BTD: variants seen among roughly 807,000 people sequenced by gnomAD.
BTD encodes the protein biotinidase.
In BTD, 13 loss-of-function variants were observed where a neutral mutation model predicts 17.7. The ratio of observed to expected loss-of-function variants is 0.74; its 90% confidence interval spans 0.48 to 1.17. The LOEUF (loss-of-function observed/expected upper bound fraction) is 1.17, where lower values mean the gene tolerates loss of function less well. Ranked by LOEUF, BTD falls within the 50% of genes most tolerant of loss-of-function variation. The probability of loss-of-function intolerance (pLI) is 0.00; values close to 1 mark genes in which losing one functional copy is unlikely to be tolerated. For missense variants in BTD, 674 were observed against 650.4 expected, an observed-to-expected ratio of 1.04 and a Z score of -0.39; for synonymous variants, 240 against 245.2, an observed-to-expected ratio of 0.98 and a Z score of 0.20.
At chr3:15,682,071 G>A (rs1024556601) in intron 3 of BTD, among the ~76,000 whole-genome samples, 1 of 151,932 alleles carries the variant, frequency 6.6e-6, no homozygotes, top group African/African-American at 2.4e-5. Context: ...AGGGAACCCT[G>A]GGGTGACGCA....
At chr3:15,614,909 T>C (rs956488954) in intron 1 of BTD, among the ~76,000 whole-genome samples, 1 of 152,196 alleles carries the variant, frequency 6.6e-6, no homozygotes, top group Non-Finnish European at 1.5e-5. Context: ...CAATATCTTA[T>C]TCTTTTACCT....
At chr3:15,657,322 C>G (rs1279501268), downstream of BTD, among the ~76,000 whole-genome samples, 2 of 152,182 alleles carry the variant, frequency 1.3e-5, no homozygotes, top group African/African-American at 2.4e-5. Context: ...TAAAGTCTAC[C>G]TCAAAGTAGG....
intron 4 of BTD, among the ~76,000 whole-genome samples, chr3:15,720,387 C>T (rs2124904440): frequency 1.3e-5 from 2 of 152,208 alleles, no homozygotes; most frequent in Middle Eastern, 6.8e-3. Flanking sequence ...TTCATCTATC[C>T]TTCCATCCAC....
intron 3 of BTD, among the ~76,000 whole-genome samples, chr3:15,664,133 G>T (rs1281911942): frequency 6.6e-6 from 1 of 152,144 alleles, no homozygotes; most frequent in South Asian, 2.1e-4. Flanking sequence ...ATGTTCACTA[G>T]ATCCAGCTGG....
chr3:15,711,135 A>G (rs1171147312), exon 4 of BTD: 7 of 1,295,608 alleles, frequency 5.4e-6, no homozygotes, highest in Non-Finnish European at 7.5e-6. Flanking sequence ...GAATTAATAA[A>G]AAAGAACAAA....
chr3:15,689,926 TAA>T, intron 3 of BTD: 1 of 1,230,246 alleles, frequency 8.1e-7, no homozygotes, highest in East Asian at 2.6e-5. Context: ...GTCAAAATTT[TAA>T]AGACAATTAA....
intron 3 of BTD, chr3:15,709,739 A>G (rs1355823413): frequency 3.9e-6 from 6 of 1,553,528 alleles, no homozygotes; most frequent in Non-Finnish European, 5.2e-6. Flanking sequence ...CCAAATTCCT[A>G]TTGAGAGAAA....
In BTD at chr3:15,647,772, A is replaced by C. The variant is rs1407122018; in HGVS notation, c.*2284A>C. The C allele has an allele frequency of 6.6e-6, 1 of 152,176 alleles. No homozygotes were observed. Among genetic ancestry groups the C allele is most frequent in the Non-Finnish European group, 1.5e-5 (1 of 68,026 alleles). The allele number at this position is 152,176 out of a possible 1,614,324, so 9.4% of individuals were successfully genotyped here. A position where few individuals can be genotyped will look rare whatever the true frequency, so the allele number is the denominator to read the frequency against. On this transcript the variant is annotated 3_prime_UTR_variant, in exon 4 of 4. Coordinates refer to ENST00000643237, the MANE Select transcript of BTD (RefSeq NM_001370658.1). ...TTTTTGGCTAAACCAGACTTGGGGG[A>C]AGTGGCTTGGTTTGCGTGGTTTCTC...
chr3:15,642,369 C>A, intron 3 of BTD: 1 of 849,404 alleles, frequency 1.2e-6, no homozygotes, highest in Non-Finnish European at 1.7e-6. Context: ...TCATCCCATG[C>A]CCTTGCTTAG....
intron 3 of BTD, chr3:15,678,093 G>A: frequency 9.4e-7 from 1 of 1,061,866 alleles, no homozygotes; most frequent in Non-Finnish European, 1.3e-6. Context: ...CAGGTAAAAG[G>A]TTTTAAGTCT....
chr3:15,636,109 G>A (rs1320869528), intron 2 of BTD, among the ~76,000 whole-genome samples: 1 of 152,170 alleles, frequency 6.6e-6, no homozygotes, highest in Admixed American at 6.5e-5. Flanking sequence ...TGTGGAAGGG[G>A]TGTGGACTGG....
intron 3 of BTD, among the ~76,000 whole-genome samples, chr3:15,644,107 T>C (rs2065619801): frequency 6.6e-6 from 1 of 151,898 alleles, no homozygotes; most frequent in Admixed American, 6.6e-5. Flanking sequence ...TTCACGCCAT[T>C]CTCCTGCCTC....
Position 15,635,308 on chromosome 3 carries a change from G to C in BTD, c.-16-116G>C. ...GAACATGAAACAAACTCTTTGAGCC[G>C]CAGTATCACTGCGAGTGAGTTTAAT... On this transcript the variant is annotated intron_variant, in intron 1 of 3. Transcript: ENST00000643237. This position sits in a 1 kb window ranked among gnomAD's most constrained non-coding sequence, Gnocchi z 4.1. The C allele has an allele frequency of 6.8e-7, 1 of 1,466,642 alleles. No homozygotes were observed. Among genetic ancestry groups the C allele is most frequent in the Non-Finnish European group, 9.5e-7 (1 of 1,055,322 alleles). The allele number at this position is 1,466,642 out of a possible 1,614,324, so 90.9% of individuals were successfully genotyped here. A position where few individuals can be genotyped will look rare whatever the true frequency, so the allele number is the denominator to read the frequency against.
intron 3 of BTD, among the ~76,000 whole-genome samples, chr3:15,696,726 T>C: frequency 6.6e-6 from 1 of 152,148 alleles, no homozygotes; most frequent in Non-Finnish European, 1.5e-5. Context: ...TCAATGAATC[T>C]GAATTAGAGG....
At chr3:15,703,102 G>A (rs1482429657) in intron 3 of BTD, among the ~76,000 whole-genome samples, 2 of 152,056 alleles carry the variant, frequency 1.3e-5, no homozygotes, top group African/African-American at 4.8e-5. Flanking sequence ...CAAGGTTGTT[G>A]AATGTAAGTC....
At chr3:15,608,550 G>A (rs981198614) in intron 1 of BTD, among the ~76,000 whole-genome samples, 10 of 152,216 alleles carry the variant, frequency 6.6e-5, no homozygotes, top group Non-Finnish European at 1.3e-4. Context: ...GGCGGATCAC[G>A]AGGTCAGTAG....
chr3:15,631,564 A>G, intron 1 of BTD: 1 of 1,314,834 alleles, frequency 7.6e-7, no homozygotes, highest in Non-Finnish European at 1.1e-6. Flanking sequence ...CATGAAATAG[A>G]TTTCCATGTA....
At chr3:15,696,770 T>G (rs567962009) in intron 3 of BTD, among the ~76,000 whole-genome samples, 61 of 152,280 alleles carry the variant, frequency 4.0e-4, no homozygotes, top group African/African-American at 1.5e-3. Context: ...AGTAAAGTGG[T>G]AAGAAGGTAT....
At position 15,679,345 on chromosome 3, in the gene BTD, A is replaced by G. The variant is rs748628920; in HGVS notation, c.400-30715A>G. The G allele has an allele frequency of 5.0e-6, 8 of 1,614,012 alleles. No homozygotes were observed. In the East Asian group the frequency reaches 6.7e-5, roughly 13 times the overall value. ...CGTTCACAATGCTGGCACCTAATGT[A>G]TCAATTAACATCTCAGCAGCACCTT... On this transcript the variant is annotated intron_variant, in intron 3 of 3. Coordinates refer to the BTD transcript ENST00000672141.
Sources: allele counts gnomAD v4.1 joint callset (sites outside exome capture counted in the v4.1 genomes callset), GRCh38; gene constraint gnomAD v4.1.1; non-coding constraint Gnocchi (gnomAD v3.1); transcripts MANE v1.5; gene names NCBI Gene and HGNC (gene_info 2026-07-23, HGNC 2026-07-21).